PPFIA2: variants seen among roughly 807,000 people sequenced by gnomAD.
PPFIA2 encodes PPFI scaffold protein A2, also known as liprin-alpha-2.
In PPFIA2, 46 loss-of-function variants were observed where a neutral mutation model predicts 175.5. The observed-to-expected ratio is 0.26, with a 90% CI of 0.21 to 0.34. PPFIA2 has a LOEUF of 0.34. Ranked by LOEUF, PPFIA2 falls within the 10% of genes least tolerant of loss-of-function variation. PPFIA2 has a pLI of 1.00. For synonymous variants in PPFIA2, 568 were observed against 511.4 expected, an observed-to-expected ratio of 1.11 and a Z score of -1.49; for missense variants, 1,179 against 1,506.1, an observed-to-expected ratio of 0.78 and a Z score of 3.60.
chr12:81,503,374 T>A (rs1490165391), intron 4 of PPFIA2, among the ~76,000 whole-genome samples: 1 of 152,020 alleles, frequency 6.6e-6, no homozygotes, highest in Non-Finnish European at 1.5e-5. Context: ...TCTGTCAAAT[T>A]TCCACCATCC....
Position 81,576,134 on chromosome 12 carries a change from G to A in PPFIA2, c.303+100657C>T, listed in dbSNP as rs146259975. On this transcript the variant is annotated intron_variant, in intron 4 of 32. Coordinates refer to ENST00000549396, the MANE Select transcript of PPFIA2 (RefSeq NM_003625.5). ...GTTCCCTTACAATTGAAGGGAAGCT[G>A]GTGTGGTCATGTGAAATGTGCCTGA... Among the ~76,000 whole-genome samples the A allele has an allele frequency of 1.2e-3, 180 of 151,650 alleles. 2 individuals carry two copies. Among genetic ancestry groups the A allele is most frequent in the African/African-American group, 3.5e-3 (146 of 41,452 alleles).
intron 4 of PPFIA2, among the ~76,000 whole-genome samples, chr12:81,596,905 GA>G (rs1419957960): frequency 1.3e-5 from 2 of 151,996 alleles, no homozygotes; most frequent in African/African-American, 4.8e-5. Flanking sequence ...TAGAAGTATA[GA>G]AAGGGGAGAG....
intron 4 of PPFIA2, among the ~76,000 whole-genome samples, chr12:81,527,354 AC>A (rs2063845737): frequency 7.4e-6 from 1 of 135,674 alleles, no homozygotes; most frequent in South Asian, 2.4e-4. Flanking sequence ...TACTATATAC[AC>A]CCCGGGGAGC....
intron 4 of PPFIA2, among the ~76,000 whole-genome samples, chr12:81,591,281 T>C (rs2058645379): frequency 6.6e-6 from 1 of 152,082 alleles, no homozygotes; most frequent in Non-Finnish European, 1.5e-5. Context: ...ATTCAAGAGG[T>C]GACTTGGGTG....
chr12:81,335,644 T>C (rs965825340), intron 21 of PPFIA2, among the ~76,000 whole-genome samples: 2 of 151,982 alleles, frequency 1.3e-5, no homozygotes, highest in Non-Finnish European at 2.9e-5. Flanking sequence ...CTAGGGAGGT[T>C]GAGGCAGGAG....
intron 21 of PPFIA2, among the ~76,000 whole-genome samples, chr12:81,331,108 AC>A (rs1486596181): frequency 6.6e-6 from 1 of 152,242 alleles, no homozygotes; most frequent in Admixed American, 6.5e-5. Context: ...GTAGAAAAAT[AC>A]AGTCATGCGC....
intron 3 of PPFIA2, among the ~76,000 whole-genome samples, chr12:81,730,320 G>C (rs974385065): frequency 4.8e-4 from 73 of 151,528 alleles, no homozygotes; most frequent in Non-Finnish European, 8.9e-5. Context: ...TCTGAATCTG[G>C]GTAATTTACA....
chr12:81,263,359 G>C lies in PPFIA2; in HGVS notation c.3587C>G (p.Thr1196Ser). ...SDDKNFRRGS[T>S]WRRQFPPREV... ...ACGAGGAGGAAACTGCCTTCTCCAG[G>C]TTGATCCACGTCTGAAGTTCTTGTC... is the stretch of plus-strand genomic sequence containing the variant. Residue 1196 changes from threonine to serine, a missense_variant, in exon 31 of 33, where the codon ACC (threonine) becomes AGC (serine). Physicochemically the swap from Thr to Ser is moderately conservative, Grantham distance 58. Transcript: ENST00000549396. The C allele has an allele frequency of 1.2e-6, 2 of 1,613,400 alleles. No individual in the cohort carries two copies. The highest frequency in any genetic ancestry group is 2.2e-5 in the East Asian group (1 of 44,866).
At chr12:81,680,542 G>A (rs892235931) in intron 3 of PPFIA2, among the ~76,000 whole-genome samples, 1 of 151,864 alleles carries the variant, frequency 6.6e-6, no homozygotes, top group Non-Finnish European at 1.5e-5. Context: ...CTAAACCACA[G>A]GCTGGTAAAT....
intron 21 of PPFIA2, among the ~76,000 whole-genome samples, chr12:81,334,272 T>C (rs975205419): frequency 6.6e-6 from 1 of 152,124 alleles, no homozygotes; most frequent in African/African-American, 2.4e-5. Flanking sequence ...GGGCCAAAAA[T>C]ATAGTGAAGT....
chr12:81,512,412 C>G (rs752174346), intron 4 of PPFIA2: 1 of 1,210,274 alleles, frequency 8.3e-7, no homozygotes, highest in South Asian at 1.3e-5. Flanking sequence ...ATGCTGGACC[C>G]AGCCTAAAAT....
At chr12:81,571,975 A>T (rs2072632582) in intron 4 of PPFIA2, among the ~76,000 whole-genome samples, 1 of 152,076 alleles carries the variant, frequency 6.6e-6, no homozygotes, top group Admixed American at 6.6e-5. Context: ...TGGTAAACCC[A>T]ATGCTGGATC....
intron 3 of PPFIA2, among the ~76,000 whole-genome samples, chr12:81,722,382 T>C (rs1192225270): frequency 2.6e-5 from 4 of 151,218 alleles, no homozygotes; most frequent in Admixed American, 1.3e-4. Context: ...GTCCATCAAG[T>C]CATATATTTA....
intron 15 of PPFIA2, among the ~76,000 whole-genome samples, chr12:81,361,392 A>G (rs1484225437): frequency 2.0e-5 from 3 of 151,688 alleles, no homozygotes; most frequent in Non-Finnish European, 4.4e-5. Context: ...TGAAATAATA[A>G]TTTCAGTTCA....
At chr12:81,309,207 A>AATG (rs2050099365) in intron 22 of PPFIA2, among the ~76,000 whole-genome samples, 1 of 152,150 alleles carries the variant, frequency 6.6e-6, no homozygotes, top group South Asian at 2.1e-4. Flanking sequence ...TCAACCAAAG[A>AATG]ATGGACTTAT....
chr12:81,404,692 G>C (rs1031154715), intron 8 of PPFIA2, among the ~76,000 whole-genome samples: 2 of 152,156 alleles, frequency 1.3e-5, no homozygotes, highest in Non-Finnish European at 2.9e-5. Context: ...TCAGCCACCA[G>C]AATTGAAGCT....
chr12:81,544,115 T>C (rs2066625277), intron 4 of PPFIA2, among the ~76,000 whole-genome samples: 1 of 152,140 alleles, frequency 6.6e-6, no homozygotes, highest in South Asian at 2.1e-4. Flanking sequence ...TTCTGACCAA[T>C]GTACCATACC....
chr12:81,502,820 A>C (rs1490669376), intron 4 of PPFIA2, among the ~76,000 whole-genome samples: 2 of 152,274 alleles, frequency 1.3e-5, no homozygotes, highest in African/African-American at 4.8e-5. Context: ...AAGTTAATCT[A>C]ATTTATTTGT....
intron 4 of PPFIA2, among the ~76,000 whole-genome samples, chr12:81,650,155 G>A (rs972237006): frequency 1.3e-5 from 2 of 151,512 alleles, no homozygotes; most frequent in Non-Finnish European, 3.0e-5. Context: ...GACTACAGGC[G>A]CCCGCCACTG....
Sources: gnomAD v4.1 joint callset for allele counts (sites outside exome capture counted in the v4.1 genomes callset) on GRCh38, gnomAD v4.1.1 for gene constraint, MANE v1.5 for transcripts, NCBI Gene and HGNC (gene_info 2026-07-23, HGNC 2026-07-21) for gene names.